The following WDFY3 variants were observed in gnomAD, a reference collection of about 807,000 sequenced individuals.
WDFY3 encodes the protein WD repeat and FYVE domain containing 3, also known as WD repeat and FYVE domain-containing protein 3.
Under a neutral mutation model 409.6 loss-of-function variants are expected in WDFY3, and 66 were observed. That is an observed-to-expected ratio of 0.16 (90% confidence interval 0.13 to 0.20). The LOEUF (loss-of-function observed/expected upper bound fraction) is 0.20. Among genes scored for constraint, WDFY3 ranks in the 10% least tolerant of loss-of-function variants. The pLI, the probability that WDFY3 is intolerant of heterozygous loss-of-function variation, is 1.00. For synonymous variants in WDFY3, 1,521 were observed against 1,537.1 expected, an observed-to-expected ratio of 0.99 and a Z score of 0.25; for missense variants, 3,031 against 4,298.1, an observed-to-expected ratio of 0.71 and a Z score of 8.24.
At chr4:84,866,982 T>C (rs1418939255) in intron 3 of WDFY3, among the ~76,000 whole-genome samples, 1 of 152,224 alleles carries the variant, frequency 6.6e-6, no homozygotes, top group Non-Finnish European at 1.5e-5. Context: ...TAGGCACTTA[T>C]CAAACCTTTA....
rs112617042 is a variant in WDFY3 at position 84,835,991 on chromosome 4, C to G, written c.576+938G>C. Among the ~76,000 whole-genome samples, 1,379 of 152,240 alleles carry G rather than the reference C, an allele frequency of 9.1e-3. 10 individuals carry two copies. Among genetic ancestry groups the G allele is most frequent in the Non-Finnish European group, 0.016 (1,079 of 68,012 alleles). ...ATGACTTTGCTTTAGAGAACTAGAT[C>G]TAAACATGTTGTTTTTAACTGTTGA... On this transcript the variant is annotated intron_variant, in intron 7 of 67. Transcript: ENST00000295888.
intron 17 of WDFY3, among the ~76,000 whole-genome samples, chr4:84,798,365 CAA>C (rs1360792065): frequency 6.6e-6 from 1 of 151,772 alleles, no homozygotes; most frequent in Non-Finnish European, 1.5e-5. Context: ...CAAACATTTT[CAA>C]AAAAGGAATT....
Position 84,751,554 on chromosome 4 carries a change from C to A in WDFY3, c.5902G>T (p.Val1968Phe), listed in dbSNP as rs1418578444. 1.9e-6 allele frequency: 3 copies of A among 1,614,154 alleles called. No individual in the cohort carries two copies. The highest frequency in any genetic ancestry group is 2.2e-5 in the East Asian group (1 of 44,880). The change falls in exon 36 of 68, where the codon GTC becomes TTC. Residue 1968 changes from valine (V) to phenylalanine (F), a missense_variant. Coordinates refer to ENST00000295888, the MANE Select transcript of WDFY3 (RefSeq NM_014991.6). ...AKKFVFDFMR[V>F]LIIDNLCLTP... ...AGACAGAGGTTGTCTATGATTAAGA[C>A]CCGCATGAAGTCAAAAACGAACTTT... is the stretch of plus-strand genomic sequence containing the variant.
intron 2 of WDFY3, among the ~76,000 whole-genome samples, chr4:84,921,985 G>A (rs145769401): frequency 1.3e-5 from 2 of 151,420 alleles, no homozygotes; most frequent in Admixed American, 1.3e-4. Flanking sequence ...CAATTTCTCA[G>A]TTCAAGGCAT....
chr4:84,823,663 C>T (rs1263100084), intron 10 of WDFY3, among the ~76,000 whole-genome samples: 1 of 151,922 alleles, frequency 6.6e-6, no homozygotes, highest in African/African-American at 2.4e-5. Flanking sequence ...TGACAAAGCA[C>T]ATAAAAAATG....
At chr4:84,727,948 G>A (rs1368199303) in intron 44 of WDFY3, among the ~76,000 whole-genome samples, 1 of 151,840 alleles carries the variant, frequency 6.6e-6, no homozygotes, top group Non-Finnish European at 1.5e-5. Context: ...GAAGATAAAA[G>A]TATAATGTAT....
chr4:84,678,975 A>C lies in WDFY3; in HGVS notation c.10091T>G (p.Leu3364Arg), dbSNP rs752293777. ...GQTRAHLQGP[L>R]SHPHPNPIEV... is the part of the protein sequence containing the mutation. ...AATGGGATTGGGGTGGGGGTGGCTA[A>C]GGGGGCCCTGCAGATGGGCTCTGGT... The change falls in exon 65 of 68, where the codon CTT becomes CGT. Residue 3364 changes from leucine (L) to arginine (R), a missense_variant. Coordinates refer to ENST00000295888, the MANE Select transcript of WDFY3 (RefSeq NM_014991.6). 3.7e-6 allele frequency: 6 copies of C among 1,614,064 alleles called. No homozygotes were observed. Among genetic ancestry groups the C allele is most frequent in the Non-Finnish European group, 5.1e-6 (6 of 1,180,016 alleles).
At chr4:84,805,843 C>T (rs1318278433) in intron 15 of WDFY3, among the ~76,000 whole-genome samples, 1 of 152,168 alleles carries the variant, frequency 6.6e-6, no homozygotes, top group Non-Finnish European at 1.5e-5. Flanking sequence ...TTTGTATTCA[C>T]TTCTTCTAAC....
rs916636452 is a variant in WDFY3, at chr4:84,815,793, G to A, written c.1887+1599C>T. Among the ~76,000 whole-genome samples the A allele has an allele frequency of 3.9e-5, 6 of 152,026 alleles. No homozygotes were observed. In the East Asian group the frequency reaches 5.8e-4, roughly 15 times the overall value. The stretch of plus-strand genomic sequence containing the variant: ...AAGTTAATGCTGATCATTTAGTTAC[G>A]GTAGGGTCCATTGTAAAGCTAATAT... On this transcript the variant is annotated intron_variant, in intron 13 of 67. Transcript: ENST00000295888.
At chr4:84,679,985 G>A (rs1727079298) in intron 64 of WDFY3, among the ~76,000 whole-genome samples, 1 of 150,896 alleles carries the variant, frequency 6.6e-6, no homozygotes, top group Admixed American at 6.6e-5. Context: ...TTGCCTCCTG[G>A]GTTCAAGCGA....
chr4:84,735,221 G>A (rs1374594561), intron 42 of WDFY3, 101 bp from the exon 43 acceptor site: 1 of 1,109,364 alleles, frequency 9.0e-7, no homozygotes, highest in African/African-American at 1.6e-5. Context: ...TTAAAATTCT[G>A]CCAAAAGCAC....
chr4:84,809,702 T>TAAA (rs540179297), intron 14 of WDFY3, 185 bp downstream of exon 14: 128 of 410,510 alleles, frequency 3.1e-4, no homozygotes, highest in Middle Eastern at 6.3e-4. Context: ...GCTTCCATGC[T>TAAA]AAAAAAAAAA....
intron 3 of WDFY3, among the ~76,000 whole-genome samples, chr4:84,867,953 A>G (rs1455892227): frequency 1.3e-5 from 2 of 151,908 alleles, no homozygotes; most frequent in Non-Finnish European, 2.9e-5. Context: ...GGCAGATCAC[A>G]AGGTCAAGAG....
chr4:84,741,100 T>C (rs1738329184), intron 38 of WDFY3, among the ~76,000 whole-genome samples: 1 of 152,206 alleles, frequency 6.6e-6, no homozygotes, highest in African/African-American at 2.4e-5. Flanking sequence ...ATTCAACTGA[T>C]AAGAGAATAT....
intron 2 of WDFY3, among the ~76,000 whole-genome samples, chr4:84,923,915 G>A (rs567527964): frequency 9.9e-5 from 15 of 152,154 alleles, no homozygotes; most frequent in Non-Finnish European, 1.3e-4. Context: ...TGGGAGAATC[G>A]ATAGAGCCCA....
chr4:84,684,055 A>G lies in WDFY3; in HGVS notation c.9614T>C (p.Val3205Ala). The G allele has an allele frequency of 6.2e-7, 1 of 1,613,634 alleles. No individual in the cohort carries two copies. Among genetic ancestry groups the G allele is most frequent in the Non-Finnish European group, 8.5e-7 (1 of 1,179,610 alleles). ...WSINGNPIVS[V>A]NTFTGRSQQI... ...CTGGCTCCTACCTGTGAACGTGTTG[A>G]CACTCACGATAGGGTTCCCATTGAT... The change falls in exon 63 of 68, where the codon GTC becomes GCC. Residue 3205 changes from valine to alanine, a missense_variant. By Grantham distance (64) the Val-to-Ala change is moderately conservative. Coordinates refer to ENST00000295888, the MANE Select transcript of WDFY3 (RefSeq NM_014991.6).
At chr4:84,761,986 G>A (rs1232930317) in intron 32 of WDFY3, among the ~76,000 whole-genome samples, 1 of 152,110 alleles carries the variant, frequency 6.6e-6, no homozygotes, top group African/African-American at 2.4e-5. Flanking sequence ...AGGACGTGGA[G>A]AAATAGGAAC....
chr4:84,785,380 C>A (rs148495457), intron 24 of WDFY3, among the ~76,000 whole-genome samples: 1 of 152,248 alleles, frequency 6.6e-6, no homozygotes, highest in African/African-American at 2.4e-5. Context: ...ATTCCTGTGG[C>A]CTGTTACCTC....
chr4:84,764,789 C>T (rs1032947610), intron 32 of WDFY3, among the ~76,000 whole-genome samples: 4 of 150,876 alleles, frequency 2.7e-5, no homozygotes, highest in South Asian at 2.1e-4. Context: ...AGAATGAACC[C>T]GGAAGGTGGA....
Sources: gnomAD v4.1 joint callset for allele counts (sites outside exome capture counted in the v4.1 genomes callset) on GRCh38, gnomAD v4.1.1 for gene constraint, MANE v1.5 for transcripts, NCBI Gene and HGNC (gene_info 2026-07-23, HGNC 2026-07-21) for gene names.